CDH12: variants seen among roughly 807,000 people sequenced by gnomAD.
The protein encoded by CDH12 is cadherin 12, also known as cadherin-12.
A neutral mutation model predicts 74.1 loss-of-function variants in CDH12; 41 were observed. That is an observed-to-expected ratio of 0.55 (90% CI 0.43 to 0.72). CDH12 has a LOEUF of 0.72. Among genes scored for constraint, CDH12 ranks in the 30% least tolerant of loss-of-function variants. The pLI, the probability that CDH12 is intolerant of heterozygous loss-of-function variation, is 0.00. For synonymous variants in CDH12, 399 were observed against 355.0 expected, an observed-to-expected ratio of 1.12 and a Z score of -1.39; for missense variants, 945 against 977.2, an observed-to-expected ratio of 0.97 and a Z score of 0.44.
chr5:21,857,047 CA>C (rs1489489941), intron 6 of CDH12, among the ~76,000 whole-genome samples: 1 of 151,750 alleles, frequency 6.6e-6, no homozygotes, highest in Non-Finnish European at 1.5e-5. Context: ...CAAACTCATG[CA>C]AAAGACAGAG....
At chr5:22,806,576 G>C (rs374612944) in intron 1 of CDH12, among the ~76,000 whole-genome samples, 7 of 151,924 alleles carry the variant, frequency 4.6e-5, no homozygotes, top group South Asian at 2.1e-4. Context: ...GGATGGTCTC[G>C]ATCTCCTGAC....
At chr5:22,036,086 C>T (rs970365619) in intron 5 of CDH12, among the ~76,000 whole-genome samples, 18 of 152,120 alleles carry the variant, frequency 1.2e-4, no homozygotes, top group African/African-American at 4.3e-4. Flanking sequence ...TGAAAAAAAG[C>T]ACCTTAGATG....
At chr5:22,660,877 T>C (rs1460875920) in intron 1 of CDH12, among the ~76,000 whole-genome samples, 2 of 152,218 alleles carry the variant, frequency 1.3e-5, no homozygotes, top group South Asian at 4.1e-4. Context: ...ATAATATTGA[T>C]GTAGTAATAA....
chr5:22,072,438 G>C (rs1002636614), intron 5 of CDH12, among the ~76,000 whole-genome samples: 1 of 151,708 alleles, frequency 6.6e-6, no homozygotes, highest in African/African-American at 2.4e-5. Flanking sequence ...CTCATCTCAG[G>C]TACTTCCTCA....
chr5:22,164,545 G>T (rs1188302722), intron 4 of CDH12, among the ~76,000 whole-genome samples: 1 of 152,168 alleles, frequency 6.6e-6, no homozygotes, highest in African/African-American at 2.4e-5. Context: ...AATAAACACG[G>T]ACCAGAAGAG....
intron 12 of CDH12, among the ~76,000 whole-genome samples, chr5:21,761,698 A>ATT (rs1744726175): frequency 6.6e-6 from 1 of 151,926 alleles, no homozygotes; most frequent in Non-Finnish European, 1.5e-5. Flanking sequence ...AGAGACACAG[A>ATT]TAGATGTTAG....
intron 6 of CDH12, among the ~76,000 whole-genome samples, chr5:21,963,138 A>AGG: frequency 1.3e-5 from 2 of 152,138 alleles, no homozygotes; most frequent in South Asian, 4.1e-4. Flanking sequence ...GAGATGATAT[A>AGG]GATAGAGATT....
intron 4 of CDH12, among the ~76,000 whole-genome samples, chr5:22,118,463 C>G (rs1745301964): frequency 6.6e-6 from 1 of 152,056 alleles, no homozygotes; most frequent in Admixed American, 6.6e-5. Flanking sequence ...CTATACACCA[C>G]TTCATGATTA....
intron 1 of CDH12, among the ~76,000 whole-genome samples, chr5:22,571,217 G>C (rs924999483): frequency 1.3e-5 from 2 of 151,912 alleles, no homozygotes; most frequent in African/African-American, 2.4e-5. Context: ...AATTTCCTCC[G>C]AGAACTTTTC....
chr5:22,530,583 C>G (rs539107299), intron 1 of CDH12, among the ~76,000 whole-genome samples: 1 of 152,114 alleles, frequency 6.6e-6, no homozygotes, highest in East Asian at 1.9e-4. Flanking sequence ...AATAGTTTAA[C>G]TTGAACTTTC....
At chr5:21,944,714 G>A (rs1755489978) in intron 6 of CDH12, among the ~76,000 whole-genome samples, 1 of 152,032 alleles carries the variant, frequency 6.6e-6, no homozygotes, top group Non-Finnish European at 1.5e-5. Flanking sequence ...GTATGAGTTG[G>A]CCCCTACTCA....
chr5:22,058,732 AAAG>A (rs987137823), intron 5 of CDH12, among the ~76,000 whole-genome samples: 1 of 150,740 alleles, frequency 6.6e-6, no homozygotes, highest in Non-Finnish European at 1.5e-5. Context: ...AAAGAGAAAG[AAAG>A]AAAAAAAGGA....
chr5:22,282,047 A>G (rs1736912094), intron 3 of CDH12, among the ~76,000 whole-genome samples: 1 of 151,824 alleles, frequency 6.6e-6, no homozygotes, highest in African/African-American at 2.4e-5. Flanking sequence ...ACCAAAACAG[A>G]TATGTAGACC....
At chr5:21,918,037 T>C (rs1754179323) in intron 6 of CDH12, among the ~76,000 whole-genome samples, 1 of 152,308 alleles carries the variant, frequency 6.6e-6, no homozygotes, top group African/African-American at 2.4e-5. Flanking sequence ...TGTTACCTTT[T>C]TGTTAAAACT....
intron 7 of CDH12, among the ~76,000 whole-genome samples, chr5:21,847,695 T>C (rs913762628): frequency 2.6e-5 from 4 of 152,134 alleles, no homozygotes; most frequent in East Asian, 3.9e-4. Context: ...GAACCTTAAT[T>C]CTTCTTTGCC....
At chr5:22,307,265 A>T (rs563089533) in intron 3 of CDH12, among the ~76,000 whole-genome samples, 16 of 152,326 alleles carry the variant, frequency 1.1e-4, no homozygotes, top group African/African-American at 3.6e-4. Flanking sequence ...TTTTCCAGAG[A>T]GTAAAATCTT....
chr5:22,478,705 C>G (rs1746272157), intron 2 of CDH12, among the ~76,000 whole-genome samples: 1 of 151,774 alleles, frequency 6.6e-6, no homozygotes, highest in African/African-American at 2.4e-5. Context: ...GGGAAAAAAG[C>G]CCCATCATTT....
intron 7 of CDH12, among the ~76,000 whole-genome samples, chr5:21,842,949 G>A (rs1042156561): frequency 3.9e-5 from 6 of 152,222 alleles, no homozygotes; most frequent in African/African-American, 7.2e-5. Flanking sequence ...CCAATTAACC[G>A]AATGAGTGAC....
At chr5:22,105,258 A>T (rs978742255) in intron 4 of CDH12, among the ~76,000 whole-genome samples, 1 of 150,538 alleles carries the variant, frequency 6.6e-6, no homozygotes, top group Non-Finnish European at 1.5e-5. Flanking sequence ...CACCCAGCTA[A>T]TTTTTTTTAT....
Sources: gnomAD v4.1 joint callset for allele counts (sites outside exome capture counted in the v4.1 genomes callset) on GRCh38, gnomAD v4.1.1 for gene constraint, MANE v1.5 for transcripts, NCBI Gene and HGNC (gene_info 2026-07-23, HGNC 2026-07-21) for gene names.